The following OC90 variants were observed in gnomAD, a reference collection of about 807,000 sequenced individuals.
OC90 encodes the protein otoconin 90.
Under a neutral mutation model 47.3 loss-of-function variants are expected in OC90, and 46 were observed. That is an observed-to-expected ratio of 0.97 (90% CI 0.77 to 1.24). The LOEUF is 1.24. Among genes scored for constraint, OC90 ranks in the 50% most tolerant of loss-of-function variants. OC90 has a pLI of 0.00. For missense variants in OC90, 688 were observed against 583.9 expected (o/e 1.18, Z -1.84); for synonymous variants, 271 against 219.5 (o/e 1.23, Z -2.07).
chr8:132,039,735 A>G (rs1000633266), intron 6 of OC90, among the ~76,000 whole-genome samples: 2 of 152,028 alleles, frequency 1.3e-5, no homozygotes, highest in Non-Finnish European at 2.9e-5. Flanking sequence ...CAGGCCTCTC[A>G]GGCCTCAGGG....
chr8:132,038,665 C>T, intron 8 of OC90, 125 bp downstream of exon 8: 1 of 757,678 alleles, frequency 1.3e-6, no homozygotes. Flanking sequence ...AAGGCAGGAC[C>T]ACTTCCAGTG....
At chr8:132,033,002 C>G (rs755175182) in intron 11 of OC90, 37 bp downstream of exon 11, 23 of 1,594,718 alleles carry the variant, frequency 1.4e-5, no homozygotes, top group Non-Finnish European at 2.0e-5. Flanking sequence ...ACCAAAAGAT[C>G]CCAGCAGCGG....
At chr8:132,029,000 CACAAGTCTGAGCT>C in intron 13 of OC90, 60 bp downstream of exon 13, 2 of 1,041,396 alleles carry the variant, frequency 1.9e-6, no homozygotes, top group South Asian at 2.5e-5. Context: ...GGAAACCATC[CACAAGTCTGAGCT>C]ACAGTCACGA....
chr8:132,051,992 C>G (rs1823217318), intron 2 of OC90, among the ~76,000 whole-genome samples: 1 of 152,156 alleles, frequency 6.6e-6, no homozygotes. Context: ...CTAAACAAAA[C>G]AGGCTGATTG....
At chr8:132,057,447 A>ATTTATTTTTG (rs1823291964) in intron 1 of OC90, among the ~76,000 whole-genome samples, 1 of 152,188 alleles carries the variant, frequency 6.6e-6, no homozygotes, top group Non-Finnish European at 1.5e-5. Flanking sequence ...TTTATTAGAG[A>ATTTATTTTTG]CATAATTTTG....
chr8:132,044,263 C>T (rs924544916), intron 4 of OC90, among the ~76,000 whole-genome samples, 170 bp downstream of exon 4: 1 of 152,110 alleles, frequency 6.6e-6, no homozygotes, highest in Non-Finnish European at 1.5e-5. Flanking sequence ...GCTCACCCTG[C>T]AATAAAAGAC....
rs776330059 is a variant in OC90, at chr8:132,024,666, C to T, written c.1249G>A (p.Gly417Arg). 27 of 1,613,170 alleles carry T rather than the reference C, an allele frequency of 1.7e-5. No individual in the cohort carries two copies. In the African/African-American group the frequency reaches 2.3e-4, roughly 14 times the overall value. The change falls in exon 14 of 14, where the codon GGG becomes AGG. Residue 417 changes from glycine (G) to arginine (R), a missense_variant. Coordinates refer to ENST00000254627, the MANE Select transcript of OC90 (RefSeq NM_001080399.3). ...NQSLKSPSRL[G>R]CPGQPAACED... ...CAGGCTGCTGGCTGCCCAGGGCACC[C>T]GAGTCTGCTTGGGGACTTGAGGCTT...
chr8:132,024,596 G>A lies in OC90; in HGVS notation c.1319C>T (p.Ser440Phe), dbSNP rs1038921015. Residue 440 changes from serine to phenylalanine, a missense_variant, in exon 14 of 14, where the codon TCC (serine) becomes TTC (phenylalanine). Transcript: ENST00000254627. ...CTCCTCGCTGTCCTCCTCAGAGCTG[G>A]AGCCCAGGGTGGGGGCTGCGGGCAC... Reference protein sequence around the residue: ...HPVPAAPTLGSSSEEDSEEDP... With the variant: ...HPVPAAPTLGFSSEEDSEEDP... The A allele has an allele frequency of 6.2e-7, 1 of 1,613,666 alleles. No individual in the cohort carries two copies. Among genetic ancestry groups the A allele is most frequent in the Non-Finnish European group, 8.5e-7 (1 of 1,179,776 alleles).
At chr8:132,047,922 G>T (rs115298058) in intron 2 of OC90, among the ~76,000 whole-genome samples, 1 of 152,178 alleles carries the variant, frequency 6.6e-6, no homozygotes, top group Admixed American at 6.5e-5. Context: ...CAGGGCCTTT[G>T]GGAGGTGATT....
intron 1 of OC90, among the ~76,000 whole-genome samples, chr8:132,058,210 GCA>G (rs1428720291): frequency 6.6e-6 from 1 of 152,180 alleles, no homozygotes; most frequent in Non-Finnish European, 1.5e-5. Context: ...TGGGGTACGT[GCA>G]CATTAGGGTA....
At chr8:132,031,613 C>A (rs1822875652) in intron 12 of OC90, among the ~76,000 whole-genome samples, 1 of 152,172 alleles carries the variant, frequency 6.6e-6, no homozygotes, top group South Asian at 2.1e-4. Context: ...TGAAAGGGCT[C>A]TAGGCCCCCA....
chr8:132,057,486 G>T (rs1823292572), intron 1 of OC90, among the ~76,000 whole-genome samples: 1 of 152,186 alleles, frequency 6.6e-6, no homozygotes, highest in African/African-American at 2.4e-5. Context: ...TTTGCAATAA[G>T]TTATAAGGAG....
chr8:132,027,658 T>TATCA (rs1229536633), intron 13 of OC90, among the ~76,000 whole-genome samples: 1 of 152,220 alleles, frequency 6.6e-6, no homozygotes, highest in Non-Finnish European at 1.5e-5. Flanking sequence ...CTCCATTTGC[T>TATCA]ATCAGGGGCC....
intron 12 of OC90, among the ~76,000 whole-genome samples, chr8:132,030,196 A>G (rs776044007): frequency 3.9e-5 from 6 of 152,202 alleles, no homozygotes; most frequent in Non-Finnish European, 7.3e-5. Flanking sequence ...CTTAAAATCT[A>G]AAGTCAGTGA....
At chr8:132,026,492 G>A (rs1427392290) in intron 13 of OC90, among the ~76,000 whole-genome samples, 3 of 152,180 alleles carry the variant, frequency 2.0e-5, no homozygotes, top group Admixed American at 2.0e-4. Flanking sequence ...GACATGCAGA[G>A]GTCCTGTTCC....
chr8:132,043,289 T>C (rs1429892393), intron 4 of OC90, among the ~76,000 whole-genome samples: 1 of 152,264 alleles, frequency 6.6e-6, no homozygotes, highest in Non-Finnish European at 1.5e-5. Context: ...TGTTGTCCCA[T>C]AGGCCTCCTG....
intron 9 of OC90, among the ~76,000 whole-genome samples, chr8:132,036,074 CTAGA>C (rs1184669833): frequency 1.3e-5 from 2 of 152,124 alleles, no homozygotes; most frequent in Admixed American, 1.3e-4. Flanking sequence ...AAATTTTGGC[CTAGA>C]TATTTTTAGG....
At chr8:132,053,950 A>G (rs1823248980) in intron 2 of OC90, among the ~76,000 whole-genome samples, 1 of 152,198 alleles carries the variant, frequency 6.6e-6, no homozygotes, top group African/African-American at 2.4e-5. Flanking sequence ...GGAGGGATAG[A>G]GACCCCTGGA....
Position 132,039,037 on chromosome 8 carries a change from G to A in OC90, c.544C>T (p.Leu182=). 2.5e-6 allele frequency: 4 copies of A among 1,613,978 alleles called. No homozygotes were observed. In the South Asian group the frequency reaches 4.4e-5, roughly 18 times the overall value. Residue 182 remains leucine (L), a synonymous_variant, in exon 7 of 14, where the codon CTG becomes TTG. Transcript: ENST00000254627. ...CAGAAGGAGGTGTCCAGAAGGTTCA[G>A]GGAAGAGTTGAGGCTGGATCGAGCC... ...CLARSSLNSS[L]NLLDTSFCLA... is the part of the protein sequence containing the mutation.
Sources: allele counts gnomAD v4.1 joint callset (sites outside exome capture counted in the v4.1 genomes callset), GRCh38; gene constraint gnomAD v4.1.1; transcripts MANE v1.5; gene names NCBI Gene and HGNC (gene_info 2026-07-23, HGNC 2026-07-21).